ZSCAN25: variants seen among roughly 807,000 people sequenced by gnomAD.
The protein encoded by ZSCAN25 is zinc finger and SCAN domain containing 25.
In ZSCAN25, 27 loss-of-function variants were observed where a neutral mutation model predicts 38.7. The ratio of observed to expected loss-of-function variants is 0.70; its 90% confidence interval spans 0.51 to 0.96. The LOEUF (loss-of-function observed/expected upper bound fraction) is 0.96. Ranked by LOEUF, ZSCAN25 falls within the 40% of genes least tolerant of loss-of-function variation. The pLI is 0.00. For synonymous variants in ZSCAN25, 273 were observed against 277.7 expected, an observed-to-expected ratio of 0.98 and a Z score of 0.17; for missense variants, 637 against 705.9, an observed-to-expected ratio of 0.90 and a Z score of 1.11.
At chr7:99,648,363 G>T in the ZSCAN25 span, 1 of 1,611,966 alleles carries the variant, frequency 6.2e-7, no homozygotes, top group South Asian at 1.1e-5. Context: ...GGGTTTTTCT[G>T]GTTGAAGAAG....
chr7:99,621,610 T>G (rs769072040), intron 5 of ZSCAN25, 36 bp downstream of exon 5: 1 of 1,332,422 alleles, frequency 7.5e-7, no homozygotes, highest in African/African-American at 1.5e-5. Context: ...TGTCAGGTCA[T>G]AGGAAACAGT....
chr7:99,728,003 G>C, the ZSCAN25 span, among the ~76,000 whole-genome samples: 1 of 152,146 alleles, frequency 6.6e-6, no homozygotes, highest in Non-Finnish European at 1.5e-5. Context: ...ATTGCTCAAG[G>C]CAACAATTAT....
the ZSCAN25 span, chr7:99,705,034 T>A: frequency 6.2e-6 from 1 of 161,760 alleles, no homozygotes; most frequent in East Asian, 1.7e-4. Context: ...AAACATCCAA[T>A]AATACTTTTG....
At chr7:99,690,386 G>A in the ZSCAN25 span, among the ~76,000 whole-genome samples, 3 of 152,158 alleles carry the variant, frequency 2.0e-5, no homozygotes, top group African/African-American at 7.2e-5. Flanking sequence ...AGAGGCATGG[G>A]CAAGGACTTC....
In ZSCAN25 at chr7:99,621,491, A is replaced by G. The variant is rs564156512; in HGVS notation, c.506A>G (p.Glu169Gly). The G allele has an allele frequency of 3.2e-6, 5 of 1,579,776 alleles. No homozygotes were observed. The South Asian group carries it at 5.8e-5, about 18-fold the overall frequency. Residue 169 changes from glutamate to glycine, a missense_variant, in exon 5 of 8, where the codon GAA becomes GGA. Glu to Gly is a moderately conservative substitution (Grantham distance 98). Transcript: ENST00000394152. Reference sequence around the variant, plus strand: ...CCTGAATGGGGGATGCCCCCTGGGGAAGGAGTTCAAGGTCCAGACCCAGGT... The same window carrying G: ...CCTGAATGGGGGATGCCCCCTGGGGGAGGAGTTCAAGGTCCAGACCCAGGT... ...VKPEWGMPPG[E>G]GVQGPDPGTE...
At chr7:99,678,956 C>CAT in the ZSCAN25 span, among the ~76,000 whole-genome samples, 2 of 152,184 alleles carry the variant, frequency 1.3e-5, no homozygotes, top group African/African-American at 4.8e-5. Flanking sequence ...AGAGGGTTTG[C>CAT]CCTCCTGTAC....
chr7:99,719,624 T>C, the ZSCAN25 span, among the ~76,000 whole-genome samples: 1 of 151,914 alleles, frequency 6.6e-6, no homozygotes, highest in African/African-American at 2.4e-5. Context: ...ATTGGCCTCC[T>C]CAAAATAAAA....
At chr7:99,618,155 T>G (rs1489451906) in intron 1 of ZSCAN25, 2 of 152,252 alleles carry the variant, frequency 1.3e-5, no homozygotes, top group Non-Finnish European at 2.9e-5. Context: ...CCCTGGTGCT[T>G]TGGACTTCCA....
chr7:99,638,525 G>C, the ZSCAN25 span: 2 of 1,507,958 alleles, frequency 1.3e-6, no homozygotes, highest in South Asian at 2.3e-5. Flanking sequence ...TCAGACCTTG[G>C]GTCCCAGTGT....
chr7:99,621,608 C>T (rs1462524311), intron 5 of ZSCAN25, 34 bp downstream of exon 5: 1 of 1,336,062 alleles, frequency 7.5e-7, no homozygotes, highest in South Asian at 2.1e-5. Flanking sequence ...GATGTCAGGT[C>T]ATAGGAAACA....
the ZSCAN25 span, chr7:99,677,291 G>A: frequency 1.0e-6 from 1 of 972,678 alleles, no homozygotes; most frequent in African/African-American, 1.8e-5. Flanking sequence ...TGATTCAGCT[G>A]TGAAGCTGCT....
the ZSCAN25 span, among the ~76,000 whole-genome samples, chr7:99,701,363 A>G: frequency 0.031 from 4,692 of 152,274 alleles, 226 homozygotes; most frequent in African/African-American, 0.1. Flanking sequence ...GTTGATGGAC[A>G]TGTAGGTTGC....
the ZSCAN25 span, chr7:99,710,900 G>A: frequency 1.2e-6 from 2 of 1,613,594 alleles, no homozygotes; most frequent in Non-Finnish European, 1.7e-6. Context: ...GAGCTGAAAG[G>A]AGAGAAAAGA....
the ZSCAN25 span, among the ~76,000 whole-genome samples, chr7:99,657,416 G>A: frequency 8.1e-4 from 124 of 152,200 alleles, no homozygotes; most frequent in Non-Finnish European, 1.6e-3. Flanking sequence ...TGAATCCTGA[G>A]TTCTAGTTTG....
downstream of ZSCAN25, among the ~76,000 whole-genome samples, chr7:99,636,046 C>CAAAAAAA (rs780898445): frequency 2.3e-5 from 1 of 43,402 alleles, no homozygotes. Flanking sequence ...GACTCCATCT[C>CAAAAAAA]AAAAAAAAAA....
the ZSCAN25 span, among the ~76,000 whole-genome samples, chr7:99,682,638 GT>G: frequency 7.3e-3 from 1,061 of 146,218 alleles, 7 homozygotes; most frequent in African/African-American, 0.024. Context: ...AAATTTTAGG[GT>G]TTTTTTTTTT....
the ZSCAN25 span, among the ~76,000 whole-genome samples, chr7:99,696,398 C>T: frequency 6.6e-6 from 1 of 152,164 alleles, no homozygotes; most frequent in South Asian, 2.1e-4. Flanking sequence ...ATTTTAGGAT[C>T]TGGCCCTTCT....
the ZSCAN25 span, chr7:99,680,142 G>A: frequency 4.5e-5 from 22 of 484,760 alleles, no homozygotes; most frequent in South Asian, 4.4e-4. Context: ...AGCTTAATCA[G>A]TGTTATCGGG....
At chr7:99,622,735 G>T (rs76218664) in intron 6 of ZSCAN25, 95 bp downstream of exon 6, 3 of 1,177,318 alleles carry the variant, frequency 2.5e-6, no homozygotes, top group African/African-American at 1.5e-5. Flanking sequence ...TTCCCTTCCC[G>T]CCCCAAGTTG....
Sources: allele counts gnomAD v4.1 joint callset (sites outside exome capture counted in the v4.1 genomes callset), GRCh38; gene constraint gnomAD v4.1.1; transcripts MANE v1.5; gene names NCBI Gene and HGNC (gene_info 2026-07-23, HGNC 2026-07-21).